CHL1: variants seen among roughly 807,000 people sequenced by gnomAD.
The protein encoded by CHL1 is neural cell adhesion molecule L1-like protein.
In CHL1, 96 loss-of-function variants were observed where a neutral mutation model predicts 141.9. The ratio of observed to expected loss-of-function variants is 0.68; its 90% CI spans 0.57 to 0.80. CHL1 has a LOEUF of 0.80. Ranked by LOEUF, CHL1 falls within the 30% of genes least tolerant of loss-of-function variation. The pLI is 0.00. For synonymous variants in CHL1, 613 were observed against 502.2 expected (o/e 1.22, Z -2.95); for missense variants, 1,820 against 1,457.2 (o/e 1.25, Z -4.05).
chr3:394,673 G>A lies in CHL1; in HGVS notation c.2915-20G>A, dbSNP rs1559355253. 8 of 1,560,060 alleles carry A rather than the reference G, an allele frequency of 5.1e-6. No individual in the cohort carries two copies. Among genetic ancestry groups the A allele is most frequent in the African/African-American group, 1.4e-5 (1 of 73,160 alleles). On this transcript the variant is annotated intron_variant, in intron 23 of 27. Coordinates refer to ENST00000256509, the MANE Select transcript of CHL1 (RefSeq NM_006614.4). Reference sequence around the variant, plus strand: ...AATGGTTAAATACATTTGAGCTGTTGTTCATGTTTATTTTTTTAGTAAATG... The same window carrying A: ...AATGGTTAAATACATTTGAGCTGTTATTCATGTTTATTTTTTTAGTAAATG...
chr3:264,180 C>T (rs1694974215), intron 2 of CHL1, among the ~76,000 whole-genome samples: 1 of 152,180 alleles, frequency 6.6e-6, no homozygotes, highest in Non-Finnish European at 1.5e-5. Context: ...ACACTAAACT[C>T]ACTGTCACAT....
intron 2 of CHL1, among the ~76,000 whole-genome samples, chr3:305,659 A>G (rs1699162756): frequency 6.6e-6 from 1 of 151,198 alleles, no homozygotes; most frequent in African/African-American, 2.4e-5. Context: ...CATTTATATA[A>G]CAGATATAAG....
intron 19 of CHL1, among the ~76,000 whole-genome samples, chr3:388,621 G>C (rs527278085): frequency 1.3e-5 from 2 of 152,164 alleles, no homozygotes; most frequent in South Asian, 2.1e-4. Flanking sequence ...AAAATAAAGT[G>C]GGTAAGGGTG....
At chr3:245,214 C>T (rs1236938059) in intron 2 of CHL1, among the ~76,000 whole-genome samples, 1 of 151,968 alleles carries the variant, frequency 6.6e-6, no homozygotes, top group Non-Finnish European at 1.5e-5. Flanking sequence ...TTTTCAAATT[C>T]TTTGTGCAAC....
At chr3:242,365 G>GAC (rs1692682175) in intron 1 of CHL1, among the ~76,000 whole-genome samples, 2 of 145,722 alleles carry the variant, frequency 1.4e-5, no homozygotes, top group African/African-American at 5.1e-5. Flanking sequence ...GGGAGGCTGA[G>GAC]GGGGGCAGAT....
chr3:348,356 A>T (rs1176176925), intron 9 of CHL1, among the ~76,000 whole-genome samples: 4 of 152,210 alleles, frequency 2.6e-5, no homozygotes. Flanking sequence ...AAATATGGAG[A>T]GGAAAAGTGT....
At chr3:200,671 TA>T (rs1216880460) in intron 1 of CHL1, among the ~76,000 whole-genome samples, 1 of 152,202 alleles carries the variant, frequency 6.6e-6, no homozygotes, top group Non-Finnish European at 1.5e-5. Context: ...AAAGAAAGAT[TA>T]CATTATTCGC....
intron 5 of CHL1, among the ~76,000 whole-genome samples, chr3:329,721 A>T (rs1415455190): frequency 6.6e-6 from 1 of 152,098 alleles, no homozygotes; most frequent in Non-Finnish European, 1.5e-5. Flanking sequence ...ATCTATCTAA[A>T]CCTTAAGGAT....
At chr3:387,847 T>C (rs917811293) in intron 19 of CHL1, among the ~76,000 whole-genome samples, 11 of 152,240 alleles carry the variant, frequency 7.2e-5, no homozygotes, top group African/African-American at 2.7e-4. Flanking sequence ...TTTTGATTTT[T>C]TTTTTCCCTC....
At chr3:347,003 C>G (rs1400074498) in intron 9 of CHL1, among the ~76,000 whole-genome samples, 2 of 152,078 alleles carry the variant, frequency 1.3e-5, no homozygotes, top group Non-Finnish European at 2.9e-5. Context: ...CAAGATAGGT[C>G]TATATCTTGG....
rs1401164170 is a variant in CHL1, at chr3:382,308, A to G, written c.1978+28A>G. ...AGGAAGACTTGGGATAACTGTTTTC[A>G]TTACTCTAGATAGTCAAAATTAATA... On this transcript the variant is annotated intron_variant, in intron 17 of 27. Coordinates refer to ENST00000256509, the MANE Select transcript of CHL1 (RefSeq NM_006614.4). The G allele has an allele frequency of 3.2e-6, 5 of 1,577,626 alleles. No individual in the cohort carries two copies. The East Asian group carries it at 8.9e-5, about 28-fold the overall frequency.
At position 338,026 on chromosome 3, in the gene CHL1, C is replaced by T. The variant is rs531861262; in HGVS notation, c.386-2768C>T. 3.3e-5 allele frequency among the ~76,000 whole-genome samples: 5 copies of T among 152,180 alleles called. No individual in the cohort carries two copies. The East Asian group carries it at 9.7e-4, about 29-fold the overall frequency. On this transcript the variant is annotated intron_variant, in intron 5 of 27. Coordinates refer to ENST00000256509, the MANE Select transcript of CHL1 (RefSeq NM_006614.4). The stretch of plus-strand genomic sequence containing the variant: ...TCCTATTTCTCCACATCCTCTCCAG[C>T]ACCTTTTTTTGGCATTTTTAGTAGA...
chr3:300,990 G>A (rs1698677930), intron 2 of CHL1, among the ~76,000 whole-genome samples: 1 of 152,132 alleles, frequency 6.6e-6, no homozygotes, highest in Admixed American at 6.6e-5. Flanking sequence ...GAAGAGAGAT[G>A]AGAGATGTGT....
At chr3:223,137 C>T (rs1002320603) in intron 1 of CHL1, among the ~76,000 whole-genome samples, 10 of 152,072 alleles carry the variant, frequency 6.6e-5, no homozygotes, top group East Asian at 1.9e-4. Context: ...AACTAGGACA[C>T]GAACATCTTT....
chr3:298,150 C>T (rs753480437), intron 2 of CHL1, among the ~76,000 whole-genome samples: 7 of 152,092 alleles, frequency 4.6e-5, no homozygotes, highest in South Asian at 4.1e-4. Context: ...GTATATCCAA[C>T]GAGATCTCTC....
At chr3:223,239 T>G (rs941086618) in intron 1 of CHL1, among the ~76,000 whole-genome samples, 1 of 152,202 alleles carries the variant, frequency 6.6e-6, no homozygotes, top group African/African-American at 2.4e-5. Context: ...TGAAGTGTCA[T>G]CACCCATCAC....
chr3:329,370 C>T (rs1701266124), intron 5 of CHL1, among the ~76,000 whole-genome samples: 1 of 151,946 alleles, frequency 6.6e-6, no homozygotes, highest in Non-Finnish European at 1.5e-5. Context: ...TTCAGAAAAA[C>T]AAATGATGAA....
chr3:329,602 C>A (rs1451724266), intron 5 of CHL1, among the ~76,000 whole-genome samples: 4 of 150,884 alleles, frequency 2.7e-5, no homozygotes, highest in African/African-American at 7.3e-5. Context: ...GTAAGACAAG[C>A]AGAAAGAAAA....
rs73814752 is a variant in CHL1 at position 396,529 on chromosome 3, G to A, written c.3094+1657G>A. ...GCGAAATTTGGGCTTGGTTGCATTC[G>A]TGCTTGAGAAATTGTTTTTGGAGGA... On this transcript the variant is annotated intron_variant, in intron 24 of 27. Coordinates refer to ENST00000256509, the MANE Select transcript of CHL1 (RefSeq NM_006614.4). 9.9e-3 allele frequency among the ~76,000 whole-genome samples: 1,510 copies of A among 152,210 alleles called. 18 individuals are homozygous for A. The highest frequency in any genetic ancestry group is 0.027 in the Middle Eastern group (8 of 294).
Sources: gnomAD v4.1 joint callset for allele counts (sites outside exome capture counted in the v4.1 genomes callset) on GRCh38, gnomAD v4.1.1 for gene constraint, MANE v1.5 for transcripts, NCBI Gene and HGNC (gene_info 2026-07-23, HGNC 2026-07-21) for gene names.